The following LPAR1 variants were observed in gnomAD, a reference collection of about 807,000 sequenced individuals.
LPAR1 encodes LPA receptor 1.
LPAR1 carries 5 observed loss-of-function variants against 23.8 expected under a neutral mutation model. That is an observed-to-expected ratio of 0.21 (90% CI 0.11 to 0.44). LPAR1 has a LOEUF of 0.44. Among genes scored for constraint, LPAR1 ranks in the 20% least tolerant of loss-of-function variants. The probability of loss-of-function intolerance (pLI) is 0.99; values close to 1 mark genes in which losing one functional copy is unlikely to be tolerated. For synonymous variants in LPAR1, 160 were observed against 164.7 expected (o/e 0.97, Z 0.22); for missense variants, 311 against 482.8 (o/e 0.64, Z 3.33).
intron 2 of LPAR1, among the ~76,000 whole-genome samples, chr9:111,010,091 T>C (rs2097305528): frequency 7.0e-6 from 1 of 143,138 alleles, no homozygotes; most frequent in Non-Finnish European, 1.5e-5. Context: ...TATACAAACC[T>C]TTGTGCAAGA....
At chr9:110,948,187 A>T (rs1358265634) in intron 4 of LPAR1, among the ~76,000 whole-genome samples, 3 of 152,180 alleles carry the variant, frequency 2.0e-5, no homozygotes, top group Non-Finnish European at 4.4e-5. Context: ...TTCTCCAAAA[A>T]AGATTAGAAA....
intron 2 of LPAR1, among the ~76,000 whole-genome samples, chr9:110,993,221 C>A (rs1372514024): frequency 6.6e-6 from 1 of 152,002 alleles, no homozygotes; most frequent in African/African-American, 2.4e-5. Context: ...GTTTGCTGCA[C>A]CCATCAACTT....
intron 5 of LPAR1, among the ~76,000 whole-genome samples, chr9:110,913,724 C>T (rs2092738816): frequency 6.6e-6 from 1 of 152,018 alleles, no homozygotes; most frequent in Non-Finnish European, 1.5e-5. Flanking sequence ...GGACAGGCTG[C>T]AATGTGATTT....
chr9:110,992,892 T>C (rs2096923714), intron 2 of LPAR1, among the ~76,000 whole-genome samples: 1 of 152,196 alleles, frequency 6.6e-6, no homozygotes, highest in Non-Finnish European at 1.5e-5. Context: ...GTGTTGGATA[T>C]GTTCACCATC....
chr9:110,940,115 GTC>G (rs1183707333), intron 5 of LPAR1, among the ~76,000 whole-genome samples: 1 of 152,118 alleles, frequency 6.6e-6, no homozygotes, highest in African/African-American at 2.4e-5. Flanking sequence ...AGGTGATGGG[GTC>G]CTCAGTGTTT....
Position 110,904,411 on chromosome 9 carries a change from A to G in LPAR1, c.794-28689T>C, listed in dbSNP as rs147737888. Reference sequence around the variant, plus strand: ...TGTCACTCAAAGTGGTAAAATGTTGATATCAGTAGACTGTGATAAGTCACA... The same window carrying G: ...TGTCACTCAAAGTGGTAAAATGTTGGTATCAGTAGACTGTGATAAGTCACA... On this transcript the variant is annotated intron_variant, in intron 5 of 5. Coordinates refer to ENST00000683809, the MANE Select transcript of LPAR1 (RefSeq NM_001351411.2). 3.4e-3 allele frequency among the ~76,000 whole-genome samples: 522 copies of G among 152,338 alleles called. 7 individuals are homozygous for G. The highest frequency in any genetic ancestry group is 0.012 in the African/African-American group (483 of 41,572).
At chr9:110,994,572 C>G (rs1321397391) in intron 2 of LPAR1, among the ~76,000 whole-genome samples, 1 of 152,114 alleles carries the variant, frequency 6.6e-6, no homozygotes, top group Non-Finnish European at 1.5e-5. Context: ...TCTTAATTGA[C>G]TTAGGGAGAT....
At chr9:111,033,008 G>A (rs1028927907) in intron 2 of LPAR1, among the ~76,000 whole-genome samples, 7 of 152,162 alleles carry the variant, frequency 4.6e-5, no homozygotes, top group African/African-American at 9.7e-5. Flanking sequence ...CTTATTGCAC[G>A]TTTGTTTTAG....
chr9:110,991,743 G>A (rs2096899357), intron 2 of LPAR1, among the ~76,000 whole-genome samples: 1 of 152,022 alleles, frequency 6.6e-6, no homozygotes, highest in Non-Finnish European at 1.5e-5. Context: ...CAAGTAGCTG[G>A]GATTACAGGT....
intron 2 of LPAR1, among the ~76,000 whole-genome samples, chr9:111,031,801 T>C (rs1432401437): frequency 3.9e-5 from 6 of 152,148 alleles, no homozygotes; most frequent in Non-Finnish European, 5.9e-5. Flanking sequence ...TAGCAAAATA[T>C]TTCAAGCATA....
At position 110,970,101 on chromosome 9, in the gene LPAR1, G is replaced by A. The variant is rs559114858; in HGVS notation, c.45+1972C>T. On this transcript the variant is annotated intron_variant, in intron 4 of 5. Transcript: ENST00000683809. ...AGTGTTAAACATTTTAATTAAATGA[G>A]TCATTTAGAGGTATTTCTATTCCTC... Among the ~76,000 whole-genome samples the A allele has an allele frequency of 2.5e-4, 38 of 152,272 alleles. No individual in the cohort carries two copies. In the South Asian group the frequency reaches 7.9e-3, roughly 32 times the overall value.
At chr9:110,997,491 A>C (rs1184509037) in intron 2 of LPAR1, among the ~76,000 whole-genome samples, 1 of 152,220 alleles carries the variant, frequency 6.6e-6, no homozygotes, top group African/African-American at 2.4e-5. Flanking sequence ...ATATACAAAA[A>C]TATTAATATG....
chr9:110,886,166 C>G (rs927852996), intron 5 of LPAR1, among the ~76,000 whole-genome samples: 1 of 148,400 alleles, frequency 6.7e-6, no homozygotes, highest in Non-Finnish European at 1.5e-5. Context: ...CCATTGCACT[C>G]CAGCCGGAGC....
chr9:111,017,468 G>A (rs575132899), intron 2 of LPAR1, among the ~76,000 whole-genome samples: 18 of 152,206 alleles, frequency 1.2e-4, no homozygotes, highest in East Asian at 3.9e-4. Context: ...ACCTCCTAAG[G>A]AAGCTCACTT....
chr9:111,007,508 G>C (rs1016332083), intron 2 of LPAR1, among the ~76,000 whole-genome samples: 11 of 152,046 alleles, frequency 7.2e-5, no homozygotes, highest in African/African-American at 2.7e-4. Flanking sequence ...ACAAATGATC[G>C]ATGAGCATAA....
intron 4 of LPAR1, among the ~76,000 whole-genome samples, chr9:110,964,595 G>T (rs2096129472): frequency 6.6e-6 from 1 of 151,830 alleles, no homozygotes; most frequent in Admixed American, 6.6e-5. Context: ...TATTGAGATT[G>T]TTATTTTTAT....
chr9:111,001,277 A>G (rs1284947102), intron 2 of LPAR1, among the ~76,000 whole-genome samples: 2 of 152,220 alleles, frequency 1.3e-5, no homozygotes, highest in Non-Finnish European at 1.5e-5. Flanking sequence ...AAGTCTATAG[A>G]TAAACCTGCT....
At chr9:110,898,598 C>T (rs779992220) in intron 5 of LPAR1, among the ~76,000 whole-genome samples, 11 of 152,142 alleles carry the variant, frequency 7.2e-5, no homozygotes, top group South Asian at 2.1e-4. Context: ...CACACGTTCA[C>T]GAGATGAAGA....
chr9:111,024,843 T>G (rs748071420), intron 2 of LPAR1, among the ~76,000 whole-genome samples: 3 of 152,088 alleles, frequency 2.0e-5, no homozygotes, highest in African/African-American at 4.8e-5. Flanking sequence ...GAATGATGGT[T>G]TCCAGCTTCA....
Sources: gnomAD v4.1 joint callset for allele counts (sites outside exome capture counted in the v4.1 genomes callset) on GRCh38, gnomAD v4.1.1 for gene constraint, MANE v1.5 for transcripts, NCBI Gene and HGNC (gene_info 2026-07-23, HGNC 2026-07-21) for gene names.